CXCL5: variants seen among roughly 807,000 people sequenced by gnomAD.
CXCL5 encodes C-X-C motif chemokine ligand 5.
A neutral mutation model predicts 12.1 loss-of-function variants in CXCL5; 13 were observed. The observed-to-expected ratio is 1.08, with a 90% CI of 0.70 to 1.71. CXCL5 has a LOEUF of 1.71. Ranked by LOEUF, CXCL5 falls within the 40% of genes most tolerant of loss-of-function variation. The pLI, the probability that CXCL5 is intolerant of heterozygous loss-of-function variation, is 0.00. For missense variants in CXCL5, 159 were observed against 142.4 expected, an observed-to-expected ratio of 1.12 and a Z score of -0.59; for synonymous variants, 67 against 59.0, an observed-to-expected ratio of 1.14 and a Z score of -0.62.
Position 73,998,335 on chromosome 4 carries a change from C to A in CXCL5, c.113G>T (p.Gly38Val), listed in dbSNP as rs1337448561. The part of the protein sequence containing the change: ...LTQPGPIASA[G>V]PAAAVLRELR... ...CTCTCTCAACACAGCAGCGGCAGGA[C>A]CAGCTGGGGAAGAAAGAGAGACACC... Residue 38 changes from glycine to valine, a missense_variant, in exon 2 of 4, where the codon GGT (glycine) becomes GTT (valine). Coordinates refer to ENST00000296027, the MANE Select transcript of CXCL5 (RefSeq NM_002994.5). The A allele has an allele frequency of 1.2e-6, 2 of 1,614,128 alleles. No homozygotes were observed. The highest frequency in any genetic ancestry group is 3.3e-5 in the Admixed American group (2 of 60,020).
Position 73,998,097 on chromosome 4 carries a change from T to A in CXCL5, c.243-2A>T. ...TCCTTCCCGTTCTTCAGGGAGGCTC[T>A]GAAGGAAAGAAAAAGAAGATACACT... On this transcript the variant is annotated splice_acceptor_variant, in intron 2 of 3. Coordinates refer to ENST00000296027, the MANE Select transcript of CXCL5 (RefSeq NM_002994.5). LOFTEE classifies it high-confidence loss of function. 6.2e-7 allele frequency: 1 copy of A among 1,613,486 alleles called. No homozygotes were observed. Among genetic ancestry groups the A allele is most frequent in the Non-Finnish European group, 8.5e-7 (1 of 1,179,906 alleles).
chr4:73,997,879 T>C (rs1041627589), intron 3 of CXCL5, 133 bp downstream of exon 3: 1 of 956,340 alleles, frequency 1.0e-6, no homozygotes, highest in South Asian at 1.4e-5. Flanking sequence ...CAGAAAAACT[T>C]TCCCAATTCA....
chr4:73,995,867 T>C lies in CXCL5; in HGVS notation c.*1770A>G, dbSNP rs1047163443. The C allele has an allele frequency of 3.4e-5, 5 of 148,688 alleles. No individual in the cohort carries two copies. Among genetic ancestry groups the C allele is most frequent in the African/African-American group, 9.8e-5 (4 of 40,810 alleles). The allele number at this position is 148,688 out of a possible 1,614,324, so 9.2% of individuals were successfully genotyped here. On this transcript the variant is annotated 3_prime_UTR_variant, in exon 4 of 4. Transcript: ENST00000296027. ...TATATATAAATATATAATATATAAA[T>C]ACATACGTTTTTACCAAGAAATGTT...
chr4:73,998,252 G>T lies in CXCL5; in HGVS notation c.196C>A (p.Leu66Met), dbSNP rs776321799. 6.2e-7 allele frequency: 1 copy of T among 1,614,190 alleles called. No individual in the cohort carries two copies. Among genetic ancestry groups the T allele is most frequent in the South Asian group, 1.1e-5 (1 of 91,082 alleles). The stretch of plus-strand genomic sequence containing the variant: ...TGTGGGCCTATGGCGAACACTTGCA[G>T]ATTACTGATCATTTTGGGATGAACT... ...QGVHPKMISNLQVFAIGPQCS... is the reference protein window; with the variant it reads ...QGVHPKMISNMQVFAIGPQCS... Residue 66 changes from leucine (L) to methionine (M), a missense_variant, in exon 2 of 4, where the codon CTG (leucine) becomes ATG (methionine). Physicochemically the swap from Leu to Met is conservative, Grantham distance 15. Coordinates refer to ENST00000296027, the MANE Select transcript of CXCL5 (RefSeq NM_002994.5).
At position 73,996,180 on chromosome 4, in the gene CXCL5, C is replaced by G. The variant is rs200822780; in HGVS notation, c.*1457G>C. On this transcript the variant is annotated 3_prime_UTR_variant, in exon 4 of 4. Transcript: ENST00000296027. The stretch of plus-strand genomic sequence containing the variant: ...AAACAGAAATATTTGTAAAAATAAA[C>G]TTTACAGCATTATCAAGGATATTAA... The G allele has an allele frequency of 2.0e-5, 3 of 152,530 alleles. No homozygotes were observed. The highest frequency in any genetic ancestry group is 4.4e-5 in the Non-Finnish European group (3 of 68,014). The allele number at this position is 152,530 out of a possible 1,614,324, so 9.4% of individuals were successfully genotyped here.
In CXCL5 at chr4:73,998,658, T is replaced by A. The variant is rs1719258435; in HGVS notation, c.-77A>T. 2.3e-6 allele frequency: 3 copies of A among 1,303,796 alleles called. No homozygotes were observed. The Admixed American group carries it at 6.0e-5, about 26-fold the overall frequency. The allele number at this position is 1,303,796 out of a possible 1,614,324, so 80.8% of individuals were successfully genotyped here. A position where few individuals can be genotyped will look rare whatever the true frequency, so the allele number is the denominator to read the frequency against. On this transcript the variant is annotated 5_prime_UTR_variant, in exon 1 of 4. Transcript: ENST00000296027. ...GAGCGGAGATTGGAGGAGCGAAGAT[T>A]GGAGGATCCGGAGCACTGTGGCTTC...
At position 73,998,304 on chromosome 4, in the gene CXCL5, A is replaced by G. The variant is rs150702442; in HGVS notation, c.144T>C (p.Arg48=). The G allele has an allele frequency of 1.2e-6, 2 of 1,614,220 alleles. No homozygotes were observed. Among genetic ancestry groups the G allele is most frequent in the Non-Finnish European group, 1.7e-6 (2 of 1,180,040 alleles). Residue 48 remains arginine (R), a synonymous_variant, in exon 2 of 4, where the codon CGT becomes CGC. Coordinates refer to ENST00000296027, the MANE Select transcript of CXCL5 (RefSeq NM_002994.5). ...GPAAAVLREL[R]CVCLQTTQGV... ...CTTGCGTGGTCTGTAAACAAACGCA[A>G]CGCAGCTCTCTCAACACAGCAGCGG... is the stretch of plus-strand genomic sequence containing the variant.
In CXCL5 at chr4:73,998,624, T is replaced by C. The variant is rs1280561589; in HGVS notation, c.-43A>G. The C allele has an allele frequency of 6.6e-7, 1 of 1,516,732 alleles. No homozygotes were observed. The allele number at this position is 1,516,732 out of a possible 1,614,324, so 94.0% of individuals were successfully genotyped here. A position where few individuals can be genotyped will look rare whatever the true frequency, so the allele number is the denominator to read the frequency against. ...TGCGAGCGGTCGCGGGTTCCTGAAC[T>C]GGGTGGAGGAGCGGAGATTGGAGGA... On this transcript the variant is annotated 5_prime_UTR_variant, in exon 1 of 4. Transcript: ENST00000296027.
At chr4:73,997,687 A>G (rs770868935) in intron 3 of CXCL5, 32 bp from the exon 4 acceptor site, 1 of 1,555,842 alleles carries the variant, frequency 6.4e-7, no homozygotes, top group Non-Finnish European at 8.8e-7. Flanking sequence ...TAGTTTAACC[A>G]TTTTTCACAC....
Position 73,995,749 on chromosome 4 carries a change from T to A in CXCL5, c.*1888A>T, listed in dbSNP as rs1198038479. On this transcript the variant is annotated 3_prime_UTR_variant, in exon 4 of 4. Coordinates refer to ENST00000296027, the MANE Select transcript of CXCL5 (RefSeq NM_002994.5). ...ATTTTAATATAGTGAATGTAATATA[T>A]ATGTAATTACTCATAACAAAATGGT... is the stretch of plus-strand genomic sequence containing the variant. 1 of 151,060 alleles carries A rather than the reference T, an allele frequency of 6.6e-6. No homozygotes were observed. Among genetic ancestry groups the A allele is most frequent in the Non-Finnish European group, 1.5e-5 (1 of 67,810 alleles). 9.4% of individuals were successfully genotyped at this position (151,060 alleles called of 1,614,324 possible). A position where few individuals can be genotyped will look rare whatever the true frequency, so the allele number is the denominator to read the frequency against.
chr4:73,997,542 A>G lies in CXCL5; in HGVS notation c.*95T>C. 1 of 931,600 alleles carries G rather than the reference A, an allele frequency of 1.1e-6. No homozygotes were observed. The highest frequency in any genetic ancestry group is 1.5e-5 in the South Asian group (1 of 67,408). The allele number at this position is 931,600 out of a possible 1,614,324, so 57.7% of individuals were successfully genotyped here. ...AAACAAATAAACAAACAACAACAAAATCTTTCCTTCTTGTCTTCCCTGGGT... is the reference window on the plus strand; with the variant it reads ...AAACAAATAAACAAACAACAACAAAGTCTTTCCTTCTTGTCTTCCCTGGGT... On this transcript the variant is annotated 3_prime_UTR_variant, in exon 4 of 4. Coordinates refer to ENST00000296027, the MANE Select transcript of CXCL5 (RefSeq NM_002994.5).
rs1436312329 is a variant in CXCL5 at position 73,995,889 on chromosome 4, T to C, written c.*1748A>G. The C allele has an allele frequency of 6.7e-6, 1 of 149,840 alleles. No homozygotes were observed. The highest frequency in any genetic ancestry group is 1.5e-5 in the Non-Finnish European group (1 of 67,524). 9.3% of individuals were successfully genotyped at this position (149,840 alleles called of 1,614,324 possible). A position where few individuals can be genotyped will look rare whatever the true frequency, so the allele number is the denominator to read the frequency against. On this transcript the variant is annotated 3_prime_UTR_variant, in exon 4 of 4. Transcript: ENST00000296027. ...AAATACATACGTTTTTACCAAGAAA[T>C]GTTTTATTTTTCTTGCAGTAGCTTT...
intron 3 of CXCL5, 39 bp from the exon 4 acceptor site, chr4:73,997,694 A>T: frequency 1.3e-6 from 2 of 1,525,582 alleles, no homozygotes; most frequent in Non-Finnish European, 9.1e-7. Flanking sequence ...ACCATTTTTC[A>T]CACTCCTTTC....
intron 2 of CXCL5, 36 bp downstream of exon 2, chr4:73,998,170 C>A: frequency 6.2e-7 from 1 of 1,613,934 alleles, no homozygotes. Context: ...TTCTCTCTTG[C>A]CAAGGTCACA....
Position 73,997,589 on chromosome 4 carries a change from C to A in CXCL5, c.*48G>T. ...GGGTTCAGAGACCTCCAGAAAACTT[C>A]TCTGCTGAAGACTGGGAAACTTTTC... On this transcript the variant is annotated 3_prime_UTR_variant, in exon 4 of 4. Transcript: ENST00000296027. The A allele has an allele frequency of 6.5e-7, 1 of 1,529,544 alleles. No individual in the cohort carries two copies. Among genetic ancestry groups the A allele is most frequent in the Non-Finnish European group, 9.0e-7 (1 of 1,116,762 alleles). The allele number at this position is 1,529,544 out of a possible 1,614,324, so 94.7% of individuals were successfully genotyped here.
In CXCL5 at chr4:73,995,925, C is replaced by T. The variant is rs1719182412; in HGVS notation, c.*1712G>A. On this transcript the variant is annotated 3_prime_UTR_variant, in exon 4 of 4. Transcript: ENST00000296027. ...TCTTGCAGTAGCTTTGTTAATTGCA[C>T]AAAATTATGTTTTGTTTTTGCCATT... The T allele has an allele frequency of 6.6e-6, 1 of 151,090 alleles. No individual in the cohort carries two copies. Among genetic ancestry groups the T allele is most frequent in the African/African-American group, 2.4e-5 (1 of 41,060 alleles). 9.4% of individuals were successfully genotyped at this position (151,090 alleles called of 1,614,324 possible).
At position 73,998,470 on chromosome 4, in the gene CXCL5, C is replaced by T. The variant is rs758870895; in HGVS notation, c.109+3G>A. 5.0e-6 allele frequency: 8 copies of T among 1,604,772 alleles called. No individual in the cohort carries two copies. Among genetic ancestry groups the T allele is most frequent in the Non-Finnish European group, 6.0e-6 (7 of 1,175,310 alleles). On this transcript the variant is annotated splice_donor_region_variant and intron_variant, in intron 1 of 3. Coordinates refer to ENST00000296027, the MANE Select transcript of CXCL5 (RefSeq NM_002994.5). ...GTGCGTCCCGCGCGCCATGCGCTCT[C>T]ACCGCTGGCGATGGGCCCTGGCTGC...
At chr4:73,998,448 C>G in intron 1 of CXCL5, 25 bp downstream of exon 1, 1 of 1,606,062 alleles carries the variant, frequency 6.2e-7, no homozygotes, top group South Asian at 1.1e-5. Context: ...AGTGCGAGTG[C>G]GTCCCGCGCG....
rs575741163 is a variant in CXCL5 at position 73,997,314 on chromosome 4, T to G, written c.*323A>C. Reference sequence around the variant, plus strand: ...TAGTCACCTACAATTCAAGACACTTTGAAAGATTAACAGCCAGTGATTCCT... The same window carrying G: ...TAGTCACCTACAATTCAAGACACTTGGAAAGATTAACAGCCAGTGATTCCT... On this transcript the variant is annotated 3_prime_UTR_variant, in exon 4 of 4. Transcript: ENST00000296027. 3 of 292,538 alleles carry G rather than the reference T, an allele frequency of 1.0e-5. No individual in the cohort carries two copies. In the East Asian group the frequency reaches 1.8e-4, roughly 17 times the overall value. The allele number at this position is 292,538 out of a possible 1,614,324, so 18.1% of individuals were successfully genotyped here.
Sources: gnomAD v4.1 joint callset for allele counts on GRCh38, gnomAD v4.1.1 for gene constraint, MANE v1.5 for transcripts, NCBI Gene and HGNC (gene_info 2026-07-23, HGNC 2026-07-21) for gene names.